SPNS3: variants seen among roughly 807,000 people sequenced by gnomAD.
The protein encoded by SPNS3 is SPNS lysolipid transporter 3, sphingosine-1-phosphate (putative).
Under a neutral mutation model 54.4 loss-of-function variants are expected in SPNS3, and 51 were observed. The observed-to-expected ratio is 0.94, with a 90% CI of 0.75 to 1.18. The LOEUF is 1.18. Among genes scored for constraint, SPNS3 ranks in the 50% most tolerant of loss-of-function variants. SPNS3 has a pLI of 0.00. For missense variants in SPNS3, 669 were observed against 677.4 expected, an observed-to-expected ratio of 0.99 and a Z score of 0.14; for synonymous variants, 309 against 294.7, an observed-to-expected ratio of 1.05 and a Z score of -0.50.
intron 1 of SPNS3, among the ~76,000 whole-genome samples, 191 bp downstream of exon 1, chr17:4,434,357 C>CCT (rs1350241125): frequency 6.6e-6 from 1 of 152,186 alleles, no homozygotes; most frequent in Non-Finnish European, 1.5e-5. Flanking sequence ...CCCAATCCAG[C>CCT]CTCAACTAAG....
At chr17:4,454,061 A>G (rs1184325467) in intron 8 of SPNS3, among the ~76,000 whole-genome samples, 1 of 151,828 alleles carries the variant, frequency 6.6e-6, no homozygotes, top group African/African-American at 2.4e-5. Context: ...CTTCTGCAAG[A>G]CTCAACTCAA....
At chr17:4,473,113 T>G (rs1246862970) in intron 8 of SPNS3, among the ~76,000 whole-genome samples, 1 of 152,134 alleles carries the variant, frequency 6.6e-6, no homozygotes, top group Non-Finnish European at 1.5e-5. Flanking sequence ...TTTATTTCAC[T>G]AGGTTTTCTT....
rs554187753 is a variant in SPNS3, at chr17:4,459,814, T to C, written c.1113+6609T>C. On this transcript the variant is annotated intron_variant, in intron 8 of 11. Coordinates refer to ENST00000355530, the MANE Select transcript of SPNS3 (RefSeq NM_182538.5). ...GAACTTACATTCTAGTTGAGGGAGA[T>C]AGATAACAAACAAGATATATAAGTA... Among the ~76,000 whole-genome samples, 48 of 151,930 alleles carry C rather than the reference T, an allele frequency of 3.2e-4. No individual in the cohort carries two copies. The South Asian group carries it at 9.0e-3, about 28-fold the overall frequency.
chr17:4,470,133 C>T (rs1003453878), intron 8 of SPNS3, among the ~76,000 whole-genome samples: 31 of 152,012 alleles, frequency 2.0e-4, no homozygotes, highest in Non-Finnish European at 3.8e-4. Context: ...TATTGAGATA[C>T]AATTCATGTA....
At chr17:4,469,089 C>CAACT (rs1971783871) in intron 8 of SPNS3, among the ~76,000 whole-genome samples, 1 of 151,228 alleles carries the variant, frequency 6.6e-6, no homozygotes, top group Non-Finnish European at 1.5e-5. Context: ...CGCCCGGCCT[C>CAACT]GGACCTGTTT....
chr17:4,480,273 C>T (rs1327330702), intron 9 of SPNS3, among the ~76,000 whole-genome samples: 4 of 152,200 alleles, frequency 2.6e-5, no homozygotes, highest in Non-Finnish European at 5.9e-5. Context: ...AGCCGCAGAC[C>T]TGCTACATGG....
chr17:4,486,944 C>A lies in SPNS3; in HGVS notation c.1450+361C>A, dbSNP rs967607461. 2.6e-5 allele frequency among the ~76,000 whole-genome samples: 4 copies of A among 151,950 alleles called. No individual in the cohort carries two copies. The highest frequency in any genetic ancestry group is 9.7e-5 in the African/African-American group (4 of 41,354). On this transcript the variant is annotated intron_variant, in intron 11 of 11. Transcript: ENST00000355530. The surrounding 1 kb of genome is among the most constrained non-coding windows in gnomAD (Gnocchi z 5.5). ...ATCCCAGTACTTGGGGAGGCCAAGGCGGGCGGATTACAAGGTTAGGAGTTC... is the reference window on the plus strand; with the variant it reads ...ATCCCAGTACTTGGGGAGGCCAAGGAGGGCGGATTACAAGGTTAGGAGTTC...
At chr17:4,468,258 G>A (rs1971738252) in intron 8 of SPNS3, among the ~76,000 whole-genome samples, 1 of 151,900 alleles carries the variant, frequency 6.6e-6, no homozygotes, top group Non-Finnish European at 1.5e-5. Context: ...ACCAGCCTGG[G>A]CAACATAGAG....
At chr17:4,439,584 A>G (rs1970796163) in intron 1 of SPNS3, 74 bp from the exon 2 acceptor site, 3 of 1,472,944 alleles carry the variant, frequency 2.0e-6, no homozygotes, top group Non-Finnish European at 2.8e-6. Flanking sequence ...GCCCTGTGCC[A>G]AACCTGGAGC....
intron 1 of SPNS3, among the ~76,000 whole-genome samples, chr17:4,435,609 G>A (rs1210962906): frequency 6.6e-6 from 1 of 152,004 alleles, no homozygotes; most frequent in Admixed American, 6.6e-5. Flanking sequence ...GGAGGACAGG[G>A]TAGCCTGGGC....
In SPNS3 at chr17:4,446,078, A is replaced by G. The variant is rs764235422; in HGVS notation, c.433A>G (p.Ile145Val). 1.2e-6 allele frequency: 2 copies of G among 1,611,972 alleles called. No homozygotes were observed. The highest frequency in any genetic ancestry group is 1.7e-6 in the Non-Finnish European group (2 of 1,178,560). The part of the protein sequence containing the change: ...YSWLFFLSRG[I>V]VGTGSASYST... ...TTGGCTCTTCTTCCTGTCCCGGGGC[A>G]TCGTGGGCACTGGCTCGGCCAGCTA... Residue 145 changes from isoleucine (I) to valine (V), a missense_variant, in exon 4 of 12, where the codon ATC becomes GTC. By Grantham distance (29) the Ile-to-Val change is conservative. Transcript: ENST00000355530.
At chr17:4,445,002 A>ATCCAGGCTGCCCCTGTGTGTC (rs1970945279) in intron 2 of SPNS3, 30 bp from the exon 3 acceptor site, 1 of 1,603,190 alleles carries the variant, frequency 6.2e-7, no homozygotes, top group African/African-American at 1.3e-5. Flanking sequence ...TCGTGGGGGG[A>ATCCAGGCTGCCCCTGTGTGTC]TCCAGGCTGC....
In SPNS3 at chr17:4,440,667, C is replaced by T. The variant is rs974010169; in HGVS notation, c.265+944C>T. Among the ~76,000 whole-genome samples the T allele has an allele frequency of 3.3e-5, 5 of 152,254 alleles. No homozygotes were observed. The East Asian group carries it at 9.6e-4, about 29-fold the overall frequency. ...CCATGGTAAACAGAAAGGGACTCCT[C>T]TCCGCATCCTGGATGTGCTGCTCCT... is the stretch of plus-strand genomic sequence containing the variant. On this transcript the variant is annotated intron_variant, in intron 2 of 11. Coordinates refer to ENST00000355530, the MANE Select transcript of SPNS3 (RefSeq NM_182538.5).
chr17:4,452,954 G>T, intron 7 of SPNS3, 62 bp from the exon 8 acceptor site: 1 of 1,514,876 alleles, frequency 6.6e-7, no homozygotes, highest in Non-Finnish European at 9.0e-7. Flanking sequence ...CTGGGAGCAG[G>T]ATAAGAGTCC....
At chr17:4,487,303 C>T (rs927718863) in intron 11 of SPNS3, among the ~76,000 whole-genome samples, 21 of 152,100 alleles carry the variant, frequency 1.4e-4, no homozygotes, top group Non-Finnish European at 2.2e-4. Context: ...AAGACGCTTC[C>T]GGCAGTGGGG....
intron 8 of SPNS3, among the ~76,000 whole-genome samples, chr17:4,468,855 C>T (rs142823309): frequency 6.7e-6 from 1 of 150,154 alleles, no homozygotes; most frequent in East Asian, 2.0e-4. Context: ...ATGGCATGGT[C>T]TCAGCTCACT....
chr17:4,486,475 C>G lies in SPNS3; in HGVS notation c.1342C>G (p.Gln448Glu). 1.2e-6 allele frequency: 2 copies of G among 1,613,578 alleles called. No homozygotes were observed. Among genetic ancestry groups the G allele is most frequent in the Non-Finnish European group, 1.7e-6 (2 of 1,179,904 alleles). ...TCTGCAGCGCTTCCGCAGCCTGCAGCAGAGCTTCCTGTGCTGCGCCTTTGT... is the reference window on the plus strand; with the variant it reads ...TCTGCAGCGCTTCCGCAGCCTGCAGGAGAGCTTCCTGTGCTGCGCCTTTGT... ...SYLQRFRSLQ[Q>E]SFLCCAFVIA... is the part of the protein sequence containing the mutation. The change falls in exon 11 of 12, where the codon CAG becomes GAG. Residue 448 changes from glutamine (Q) to glutamate (E), a missense_variant. By Grantham distance (29) the Gln-to-Glu change is conservative (BLOSUM62 2). Transcript: ENST00000355530. This position sits in a 1 kb window ranked among gnomAD's most constrained non-coding sequence, Gnocchi z 5.5.
chr17:4,448,076 C>A, intron 5 of SPNS3, 79 bp from the exon 6 acceptor site: 3 of 1,396,584 alleles, frequency 2.1e-6, no homozygotes, highest in South Asian at 1.5e-5. Flanking sequence ...CTGGCTGATA[C>A]TGTGGCCAGT....
intron 8 of SPNS3, among the ~76,000 whole-genome samples, chr17:4,476,243 C>A (rs554925250): frequency 2.0e-5 from 3 of 152,316 alleles, no homozygotes; most frequent in Admixed American, 2.0e-4. Context: ...TTTGTTGGTG[C>A]GGTGCCGGCC....
Sources: allele counts gnomAD v4.1 joint callset (sites outside exome capture counted in the v4.1 genomes callset), GRCh38; gene constraint gnomAD v4.1.1; non-coding constraint Gnocchi (gnomAD v3.1); transcripts MANE v1.5; gene names NCBI Gene and HGNC (gene_info 2026-07-23, HGNC 2026-07-21).